COPG2: variants seen among roughly 807,000 people sequenced by gnomAD.
COPG2 encodes the protein coatomer subunit gamma-2.
COPG2 carries 37 observed loss-of-function variants against 46.3 expected under a neutral mutation model. The observed-to-expected ratio is 0.80, with a 90% CI of 0.61 to 1.05. COPG2 has a LOEUF of 1.05. COPG2 is among the 50% of genes least tolerant of loss of function. The pLI, the probability that COPG2 is intolerant of heterozygous loss-of-function variation, is 0.00. For synonymous variants in COPG2, 159 were observed against 129.7 expected (o/e 1.23, Z -1.53); for missense variants, 427 against 387.8 (o/e 1.10, Z -0.85).
Position 130,594,130 on chromosome 7 carries a change from C to CA in COPG2, c.737+16822dup, listed in dbSNP as rs1794481603. 3.9e-5 allele frequency among the ~76,000 whole-genome samples: 6 copies of CA among 152,120 alleles called. No individual in the cohort carries two copies. The South Asian group carries it at 1.2e-3, about 32-fold the overall frequency. On this transcript the variant is annotated intron_variant, in intron 9 of 23. Transcript: ENST00000425248. ...AGTTAAAAACTGGGTAAAACTCAAACAAATATTTCAATAGAAAGGATATCC... is the reference window on the plus strand; with the variant it reads ...AGTTAAAAACTGGGTAAAACTCAAACAAAATATTTCAATAGAAAGGATATCC...
intron 12 of COPG2, among the ~76,000 whole-genome samples, chr7:130,558,296 G>C (rs1024956658): frequency 6.6e-6 from 1 of 151,980 alleles, no homozygotes; most frequent in Non-Finnish European, 1.5e-5. Context: ...GTAAGTTCTT[G>C]TGAGATCTGG....
intron 9 of COPG2, among the ~76,000 whole-genome samples, chr7:130,589,655 T>C (rs1327908638): frequency 6.6e-6 from 1 of 152,176 alleles, no homozygotes; most frequent in African/African-American, 2.4e-5. Context: ...TTCTCAGCAA[T>C]GTGGTATGAG....
intron 5 of COPG2, among the ~76,000 whole-genome samples, chr7:130,652,591 T>A (rs1275976185): frequency 6.6e-6 from 1 of 152,214 alleles, no homozygotes; most frequent in African/African-American, 2.4e-5. Flanking sequence ...AATATTTTAT[T>A]TCAGTGCACG....
At chr7:130,528,031 A>G (rs1454236878) in intron 20 of COPG2, among the ~76,000 whole-genome samples, 1 of 152,160 alleles carries the variant, frequency 6.6e-6, no homozygotes, top group Non-Finnish European at 1.5e-5. Context: ...GAATGGAGAC[A>G]GCGTGGAAGA....
At chr7:130,610,011 A>AT in intron 9 of COPG2, 1 of 504,236 alleles carries the variant, frequency 2.0e-6, no homozygotes, top group Non-Finnish European at 3.9e-6. Flanking sequence ...CTGCCTAGTA[A>AT]TTTCTAAAGT....
intron 5 of COPG2, among the ~76,000 whole-genome samples, chr7:130,627,888 C>G (rs1554454511): frequency 1.3e-5 from 2 of 152,214 alleles, no homozygotes. Context: ...TTTCAGTATT[C>G]TCTGAACTGA....
intron 1 of COPG2, among the ~76,000 whole-genome samples, 164 bp from the exon 2 acceptor site, chr7:130,667,698 G>C (rs908604143): frequency 7.9e-5 from 12 of 152,132 alleles, no homozygotes; most frequent in African/African-American, 2.9e-4. Context: ...TTTTGATCCC[G>C]GCTCTGTCAC....
intron 9 of COPG2, among the ~76,000 whole-genome samples, chr7:130,600,617 T>C (rs1488893283): frequency 6.6e-6 from 1 of 152,188 alleles, no homozygotes; most frequent in Non-Finnish European, 1.5e-5. Flanking sequence ...CTTATATTAA[T>C]ATTGCTACAT....
At chr7:130,562,445 G>A (rs983888240) in intron 11 of COPG2, among the ~76,000 whole-genome samples, 15 of 152,014 alleles carry the variant, frequency 9.9e-5, no homozygotes, top group African/African-American at 3.1e-4. Context: ...TCTTTTCTTC[G>A]ACTGTTTACA....
At chr7:130,638,694 C>G (rs1795396980) in intron 5 of COPG2, among the ~76,000 whole-genome samples, 1 of 152,008 alleles carries the variant, frequency 6.6e-6, no homozygotes, top group Non-Finnish European at 1.5e-5. Flanking sequence ...TGAGCTAGAC[C>G]ACTTGGCTCC....
intron 5 of COPG2, among the ~76,000 whole-genome samples, chr7:130,643,619 T>G (rs1795534003): frequency 6.6e-6 from 1 of 152,102 alleles, no homozygotes; most frequent in South Asian, 2.1e-4. Context: ...AAAGAAGGAC[T>G]GCAGATAAAA....
intron 20 of COPG2, among the ~76,000 whole-genome samples, chr7:130,545,602 A>G (rs1324243313): frequency 2.0e-5 from 3 of 152,198 alleles, no homozygotes; most frequent in African/African-American, 4.8e-5. Flanking sequence ...CTGACAAAAA[A>G]CTAAATAGAA....
chr7:130,601,481 C>G (rs1419273988), intron 9 of COPG2, among the ~76,000 whole-genome samples: 1 of 152,116 alleles, frequency 6.6e-6, no homozygotes, highest in Non-Finnish European at 1.5e-5. Context: ...TACTATGCAG[C>G]CATAAAAAAG....
chr7:130,659,881 C>T (rs1414133488), intron 4 of COPG2, among the ~76,000 whole-genome samples: 2 of 152,194 alleles, frequency 1.3e-5, no homozygotes, highest in Admixed American at 6.5e-5. Context: ...CACTGCACTT[C>T]AGCCTGGGCG....
intron 9 of COPG2, among the ~76,000 whole-genome samples, chr7:130,609,619 G>A (rs1462666885): frequency 6.6e-6 from 1 of 152,040 alleles, no homozygotes. Flanking sequence ...CTTTCCTTCT[G>A]AGACTCATTA....
At chr7:130,609,932 C>T (rs1232087866) in intron 9 of COPG2, 3 of 333,394 alleles carry the variant, frequency 9.0e-6, no homozygotes, top group Non-Finnish European at 1.8e-5. Flanking sequence ...ATGTAATTTA[C>T]AAAAGTTACA....
chr7:130,622,512 C>T (rs1404313241), intron 5 of COPG2, among the ~76,000 whole-genome samples: 1 of 152,126 alleles, frequency 6.6e-6, no homozygotes, highest in Admixed American at 6.5e-5. Flanking sequence ...TTCCATCCCT[C>T]AAATTTGTTC....
chr7:130,664,148 T>C (rs1391457784), intron 3 of COPG2, among the ~76,000 whole-genome samples: 1 of 152,202 alleles, frequency 6.6e-6, no homozygotes, highest in Non-Finnish European at 1.5e-5. Context: ...AAATCATAGA[T>C]TACCTCAAAT....
intron 4 of COPG2, among the ~76,000 whole-genome samples, chr7:130,659,890 C>A (rs918104360): frequency 6.6e-6 from 1 of 151,938 alleles, no homozygotes. Flanking sequence ...TCAGCCTGGG[C>A]GACAACTCAA....
Sources: gnomAD v4.1 joint callset for allele counts (sites outside exome capture counted in the v4.1 genomes callset) on GRCh38, gnomAD v4.1.1 for gene constraint, MANE v1.5 for transcripts, NCBI Gene and HGNC (gene_info 2026-07-23, HGNC 2026-07-21) for gene names.